The following BZW2 variants were observed in gnomAD, a reference collection of about 807,000 sequenced individuals.
The protein encoded by BZW2 is eIF5-mimic protein 1.
Under a neutral mutation model 53.2 loss-of-function variants are expected in BZW2, and 23 were observed. That is an observed-to-expected ratio of 0.43 (90% CI 0.31 to 0.61). BZW2 has a LOEUF of 0.61. Among genes scored for constraint, BZW2 ranks in the 20% least tolerant of loss-of-function variants. The pLI, the probability that BZW2 is intolerant of heterozygous loss-of-function variation, is 0.09. For missense variants in BZW2, 409 were observed against 503.1 expected, an observed-to-expected ratio of 0.81 and a Z score of 1.79; for synonymous variants, 227 against 186.4, an observed-to-expected ratio of 1.22 and a Z score of -1.77.
rs1783001546 is a variant in BZW2, at chr7:16,683,025, G to A, written c.405+180G>A. ...AGCCTGGCCAAGATGCTGAAACCCTGTCTCTACTAAAAACACAAAAATTAC... is the reference window on the plus strand; with the variant it reads ...AGCCTGGCCAAGATGCTGAAACCCTATCTCTACTAAAAACACAAAAATTAC... On this transcript the variant is annotated intron_variant, in intron 5 of 11. Coordinates refer to ENST00000258761, the MANE Select transcript of BZW2 (RefSeq NM_014038.3). 2.6e-5 allele frequency among the ~76,000 whole-genome samples: 4 copies of A among 151,860 alleles called. No individual in the cohort carries two copies. In the South Asian group the frequency reaches 6.2e-4, roughly 24 times the overall value.
chr7:16,664,510 C>T (rs1433665074), intron 1 of BZW2, among the ~76,000 whole-genome samples: 5 of 152,074 alleles, frequency 3.3e-5, no homozygotes, highest in African/African-American at 9.7e-5. Flanking sequence ...CCTTATCTGG[C>T]CTATTGGAAG....
At chr7:16,658,404 ACAAGCATT>A (rs1332632177) in intron 1 of BZW2, among the ~76,000 whole-genome samples, 1 of 152,194 alleles carries the variant, frequency 6.6e-6, no homozygotes, top group Non-Finnish European at 1.5e-5. Flanking sequence ...AATTTTAAAA[ACAAGCATT>A]CAAGCATTTA....
chr7:16,683,438 G>A (rs1208581755), intron 5 of BZW2, among the ~76,000 whole-genome samples: 1 of 152,162 alleles, frequency 6.6e-6, no homozygotes, highest in Non-Finnish European at 1.5e-5. Context: ...TATAACCTCT[G>A]ACCTTGCAGA....
intron 7 of BZW2, among the ~76,000 whole-genome samples, chr7:16,693,505 C>G (rs1783384268): frequency 1.3e-5 from 2 of 152,110 alleles, no homozygotes; most frequent in Non-Finnish European, 2.9e-5. Flanking sequence ...TAAGTATTGA[C>G]TTGGGGGCAC....
intron 1 of BZW2, among the ~76,000 whole-genome samples, chr7:16,647,151 A>G (rs1293595702): frequency 1.3e-5 from 2 of 152,160 alleles, no homozygotes; most frequent in Admixed American, 1.3e-4. Flanking sequence ...AAATGCGGGA[A>G]TCAGTCATTT....
At chr7:16,682,345 A>G (rs542104486) in intron 4 of BZW2, among the ~76,000 whole-genome samples, 2 of 152,214 alleles carry the variant, frequency 1.3e-5, no homozygotes, top group Non-Finnish European at 2.9e-5. Context: ...CCAGTAAATT[A>G]TAACACGTTT....
chr7:16,669,303 T>G (rs148938934), intron 2 of BZW2, among the ~76,000 whole-genome samples: 270 of 152,284 alleles, frequency 1.8e-3, no homozygotes, highest in African/African-American at 6.1e-3. Context: ...GTTTTGTATT[T>G]TTTAGTAAAC....
intron 1 of BZW2, among the ~76,000 whole-genome samples, chr7:16,655,708 T>G (rs1346608133): frequency 1.3e-5 from 2 of 152,134 alleles, no homozygotes; most frequent in Non-Finnish European, 2.9e-5. Context: ...AAACTACTAT[T>G]CTACTCTCTA....
chr7:16,695,818 C>G (rs1025194721), intron 8 of BZW2: 25 of 152,326 alleles, frequency 1.6e-4, no homozygotes, highest in African/African-American at 6.0e-4. Flanking sequence ...AGGACTGATA[C>G]TATCCAGCAG....
intron 8 of BZW2, among the ~76,000 whole-genome samples, chr7:16,696,524 G>T (rs1427760815): frequency 7.2e-6 from 1 of 138,766 alleles, no homozygotes; most frequent in Non-Finnish European, 1.7e-5. Flanking sequence ...TCCATCAAGA[G>T]GTTTTAAAGT....
intron 7 of BZW2, among the ~76,000 whole-genome samples, chr7:16,694,211 T>A (rs1783410160): frequency 6.6e-6 from 1 of 152,234 alleles, no homozygotes; most frequent in South Asian, 2.1e-4. Flanking sequence ...AAAATTTCCA[T>A]CAGAATTATG....
chr7:16,654,283 T>A (rs1782065512), intron 1 of BZW2, among the ~76,000 whole-genome samples: 1 of 151,762 alleles, frequency 6.6e-6, no homozygotes, highest in African/African-American at 2.4e-5. Flanking sequence ...AAGCTTAAAA[T>A]TATAATATTA....
intron 2 of BZW2, among the ~76,000 whole-genome samples, chr7:16,672,412 GT>G (rs756957786): frequency 2.0e-4 from 31 of 152,046 alleles, no homozygotes; most frequent in Middle Eastern, 3.4e-3. Context: ...CTTCCATTGA[GT>G]TTTTTACTTT....
rs139616056 is a variant in BZW2, at chr7:16,701,526, A to G, written c.1109-3021A>G. Among the ~76,000 whole-genome samples, 771 of 152,238 alleles carry G rather than the reference A, an allele frequency of 5.1e-3. 11 individuals carry two copies. Among genetic ancestry groups the G allele is most frequent in the African/African-American group, 0.018 (751 of 41,556 alleles). On this transcript the variant is annotated intron_variant, in intron 10 of 11. Coordinates refer to ENST00000258761, the MANE Select transcript of BZW2 (RefSeq NM_014038.3). Reference sequence around the variant, plus strand: ...TTTTTGACTTGTGTCCCTATGTGACATTCCTAATAAAAAAATTTCTGAATT... The same window carrying G: ...TTTTTGACTTGTGTCCCTATGTGACGTTCCTAATAAAAAAATTTCTGAATT...
At position 16,697,010 on chromosome 7, in the gene BZW2, G is replaced by C; in HGVS notation, c.918G>C (p.Glu306Asp). The C allele has an allele frequency of 3.7e-6, 6 of 1,614,194 alleles. No individual in the cohort carries two copies. The highest frequency in any genetic ancestry group is 5.1e-6 in the Non-Finnish European group (6 of 1,180,014). The change falls in exon 9 of 12, where the codon GAG becomes GAC. Residue 306 changes from glutamate to aspartate, a missense_variant. Glu to Asp is a conservative substitution (Grantham distance 45). Around this residue, in one of 3 missense-constraint regions of BZW2, gnomAD observed 5 missense variants for 21.7 expected, o/e 0.23. Coordinates refer to ENST00000258761, the MANE Select transcript of BZW2 (RefSeq NM_014038.3). ...GGACATGTATAATGAACGCTGTTGA[G>C]TGGAACAAGAAGGAAGAACTTGTTG... ...LLWTCIMNAV[E>D]WNKKEELVAE...
At chr7:16,650,816 T>A (rs947630217) in intron 1 of BZW2, among the ~76,000 whole-genome samples, 1 of 152,212 alleles carries the variant, frequency 6.6e-6, no homozygotes, top group Non-Finnish European at 1.5e-5. Flanking sequence ...GTGGAATGAT[T>A]TGCCCCGTTC....
chr7:16,688,955 A>C (rs926924784), intron 6 of BZW2, among the ~76,000 whole-genome samples: 1 of 152,138 alleles, frequency 6.6e-6, no homozygotes, highest in South Asian at 2.1e-4. Flanking sequence ...GCTGCGTGCA[A>C]TGGCTCATGC....
intron 1 of BZW2, among the ~76,000 whole-genome samples, chr7:16,655,875 T>C (rs1305425342): frequency 6.6e-6 from 1 of 152,124 alleles, no homozygotes; most frequent in African/African-American, 2.4e-5. Context: ...TATGTGTACA[T>C]AATCAGTTTT....
intron 3 of BZW2, among the ~76,000 whole-genome samples, chr7:16,677,777 G>A (rs1295604924): frequency 6.6e-6 from 1 of 152,114 alleles, no homozygotes; most frequent in African/African-American, 2.4e-5. Context: ...AAAAGGCCTG[G>A]TCCAGTAAAT....
Sources: allele counts gnomAD v4.1 joint callset (sites outside exome capture counted in the v4.1 genomes callset), GRCh38; gene constraint gnomAD v4.1.1; regional missense constraint gnomAD v4.1.1; transcripts MANE v1.5; gene names NCBI Gene and HGNC (gene_info 2026-07-23, HGNC 2026-07-21).